Variants in PRPSAP1 observed in about 807,000 individuals in gnomAD.
PRPSAP1 encodes the protein phosphoribosyl pyrophosphate synthase-associated protein 1.
A neutral mutation model predicts 39.4 loss-of-function variants in PRPSAP1; 31 were observed. The ratio of observed to expected loss-of-function variants is 0.79; its 90% CI spans 0.59 to 1.06. The LOEUF (loss-of-function observed/expected upper bound fraction) is 1.06. PRPSAP1 is among the 50% of genes least tolerant of loss of function. The pLI is 0.00. For synonymous variants in PRPSAP1, 212 were observed against 192.6 expected (o/e 1.10, Z -0.83); for missense variants, 430 against 511.6 (o/e 0.84, Z 1.54).
chr17:76,333,016 C>T lies in PRPSAP1; in HGVS notation c.291-581G>A, dbSNP rs532469255. 9.2e-5 allele frequency among the ~76,000 whole-genome samples: 14 copies of T among 152,084 alleles called. No individual in the cohort carries two copies. The South Asian group carries it at 1.5e-3, about 16-fold the overall frequency. The stretch of plus-strand genomic sequence containing the variant: ...ACGCCATTCTCCTGCCTCAGCCTCC[C>T]GAGTAGCTGGGACTACAGGCGCCCG... On this transcript the variant is annotated intron_variant, in intron 3 of 9. Coordinates refer to ENST00000446526, the MANE Select transcript of PRPSAP1 (RefSeq NM_002766.3).
At chr17:76,354,159 C>A (rs961229452), upstream of PRPSAP1, 2 of 992,130 alleles carry the variant, frequency 2.0e-6, no homozygotes, top group Non-Finnish European at 2.4e-6. Context: ...TGGCCAGGAC[C>A]CAACATGTCC....
chr17:76,349,085 C>T (rs892891671), intron 1 of PRPSAP1, among the ~76,000 whole-genome samples: 1 of 151,964 alleles, frequency 6.6e-6, no homozygotes, highest in Non-Finnish European at 1.5e-5. Flanking sequence ...CCAAGGCGGG[C>T]GGATCACCTG....
intron 3 of PRPSAP1, among the ~76,000 whole-genome samples, chr17:76,339,466 C>T (rs1475159925): frequency 1.3e-5 from 2 of 151,792 alleles, no homozygotes. Context: ...TTATGGGCTG[C>T]ACACCCACAC....
intron 7 of PRPSAP1, among the ~76,000 whole-genome samples, chr17:76,324,353 C>G (rs2071229309): frequency 6.6e-6 from 1 of 151,962 alleles, no homozygotes; most frequent in South Asian, 2.1e-4. Flanking sequence ...AATCCCAGCA[C>G]TTTGGGAGGC....
Position 76,310,559 on chromosome 17 carries a change from T to TG in PRPSAP1, c.*982dup, listed in dbSNP as rs1315799771. ...TAGTTCACTGCAGCTTCAACCTCCT[T>TG]GGCTCAGGCAATCCTCCCACCTCAG... On this transcript the variant is annotated 3_prime_UTR_variant, in exon 10 of 10. Coordinates refer to ENST00000446526, the MANE Select transcript of PRPSAP1 (RefSeq NM_002766.3). The TG allele has an allele frequency of 1.3e-5, 2 of 151,858 alleles. No homozygotes were observed. The highest frequency in any genetic ancestry group is 4.8e-5 in the African/African-American group (2 of 41,288). The allele number at this position is 151,858 out of a possible 1,614,324, so 9.4% of individuals were successfully genotyped here.
In PRPSAP1 at chr17:76,345,237, T is replaced by TAAAA. The variant is rs59693380; in HGVS notation, c.224-504_224-501dup. On this transcript the variant is annotated intron_variant, in intron 2 of 9. Coordinates refer to ENST00000446526, the MANE Select transcript of PRPSAP1 (RefSeq NM_002766.3). The stretch of plus-strand genomic sequence containing the variant: ...GTGACAGAGCAAGATTCCGTCTCAT[T>TAAAA]AAAAAAAAAAAAAAAAAAGAGTTCT... Among the ~76,000 whole-genome samples the TAAAA allele has an allele frequency of 1.4e-4, 9 of 62,200 alleles. 1 individual carries two copies. Among genetic ancestry groups the TAAAA allele is most frequent in the East Asian group, 5.2e-4 (1 of 1,910 alleles). 40.8% of individuals were successfully genotyped at this position (62,200 alleles called of 152,430 possible). A position where few individuals can be genotyped will look rare whatever the true frequency, so the allele number is the denominator to read the frequency against.
At position 76,330,112 on chromosome 17, in the gene PRPSAP1, A is replaced by G. The variant is rs531265730; in HGVS notation, c.580-14T>C. ...GTAATTTGGAATCTAGATTTGAAGG[A>G]AAAATAGAAAATACTGAAAAGTTAT... On this transcript the variant is annotated splice_polypyrimidine_tract_variant and intron_variant, in intron 5 of 9. Coordinates refer to ENST00000446526, the MANE Select transcript of PRPSAP1 (RefSeq NM_002766.3). 1 of 1,604,962 alleles carries G rather than the reference A, an allele frequency of 6.2e-7. No individual in the cohort carries two copies. Among genetic ancestry groups the G allele is most frequent in the African/African-American group, 1.3e-5 (1 of 74,826 alleles).
chr17:76,317,220 C>G (rs7207291), intron 7 of PRPSAP1, among the ~76,000 whole-genome samples: 4,845 of 152,260 alleles, frequency 0.032, 277 homozygotes, highest in African/African-American at 0.11. Context: ...CGTGGTGGTA[C>G]ATGCCTGTAA....
intron 9 of PRPSAP1, among the ~76,000 whole-genome samples, chr17:76,312,558 C>CAA (rs1322133956): frequency 6.6e-6 from 1 of 152,060 alleles, no homozygotes; most frequent in Non-Finnish European, 1.5e-5. Flanking sequence ...TCATCTAGGG[C>CAA]AAAGGCTTTC....
upstream of PRPSAP1, chr17:76,354,050 C>G (rs922587364): frequency 3.6e-6 from 4 of 1,096,920 alleles, no homozygotes; most frequent in Non-Finnish European, 4.4e-6. Flanking sequence ...CAGGTTCGCC[C>G]CGCCCCTGCT....
chr17:76,328,198 A>C (rs1296935625), intron 7 of PRPSAP1, among the ~76,000 whole-genome samples: 1 of 152,060 alleles, frequency 6.6e-6, no homozygotes, highest in Admixed American at 6.6e-5. Flanking sequence ...AAAAAAAAAA[A>C]AAAAAGGCGG....
chr17:76,339,003 A>T (rs1487938159), intron 3 of PRPSAP1, among the ~76,000 whole-genome samples: 2 of 152,022 alleles, frequency 1.3e-5, no homozygotes, highest in African/African-American at 4.8e-5. Context: ...ACTGCACTCC[A>T]GCCTGGGCAA....
At chr17:76,315,700 CTTTTTTTTTT>C (rs71161279) in intron 7 of PRPSAP1, among the ~76,000 whole-genome samples, 14 of 72,672 alleles carry the variant, frequency 1.9e-4, no homozygotes, top group African/African-American at 5.1e-4. Flanking sequence ...GACCTATCCG[CTTTTTTTTTT>C]TTTTTTTTTT....
rs185519624 is a variant in PRPSAP1, at chr17:76,336,660, A to G, written c.291-4225T>C. Among the ~76,000 whole-genome samples, 256 of 124,158 alleles carry G rather than the reference A, an allele frequency of 2.1e-3. 4 individuals carry two copies. Among genetic ancestry groups the G allele is most frequent in the African/African-American group, 7.2e-3 (235 of 32,664 alleles). The allele number at this position is 124,158 out of a possible 152,430, so 81.5% of individuals were successfully genotyped here. On this transcript the variant is annotated intron_variant, in intron 3 of 9. Coordinates refer to ENST00000446526, the MANE Select transcript of PRPSAP1 (RefSeq NM_002766.3). Reference sequence around the variant, plus strand: ...GGCAGGAGAATAGCTTGAACCTGGGAGGTGGAGGTTGTGGTGAGCCGAGAT... The same window carrying G: ...GGCAGGAGAATAGCTTGAACCTGGGGGGTGGAGGTTGTGGTGAGCCGAGAT...
intron 3 of PRPSAP1, among the ~76,000 whole-genome samples, chr17:76,336,509 G>A (rs894897744): frequency 6.6e-6 from 1 of 151,176 alleles, no homozygotes; most frequent in Non-Finnish European, 1.5e-5. Context: ...GAGGCAGGTG[G>A]ATTACCTGGG....
At chr17:76,353,458 G>A in intron 1 of PRPSAP1, 76 bp downstream of exon 1, 2 of 1,351,634 alleles carry the variant, frequency 1.5e-6, no homozygotes, top group Non-Finnish European at 1.9e-6. Flanking sequence ...GCGGGTGGAG[G>A]GGAGCGGGTC....
At chr17:76,312,230 C>T (rs1298454829) in intron 9 of PRPSAP1, among the ~76,000 whole-genome samples, 2 of 152,154 alleles carry the variant, frequency 1.3e-5, no homozygotes, top group African/African-American at 4.8e-5. Context: ...CACCTGAGGT[C>T]AGGAGTTTGA....
At chr17:76,318,263 G>A (rs1206165361) in intron 7 of PRPSAP1, among the ~76,000 whole-genome samples, 1 of 152,026 alleles carries the variant, frequency 6.6e-6, no homozygotes, top group Non-Finnish European at 1.5e-5. Context: ...GCCTGGCCAA[G>A]ATGGTGAAAC....
rs1169099520 is a variant in PRPSAP1 at position 76,353,547 on chromosome 17, T to C, written c.157A>G (p.Lys53Glu). The C allele has an allele frequency of 5.9e-6, 9 of 1,537,930 alleles. No individual in the cohort carries two copies. In the South Asian group the frequency reaches 9.6e-5, roughly 16 times the overall value. Residue 53 changes from lysine (K) to glutamate (E), a missense_variant, in exon 1 of 10, where the codon AAG becomes GAG. By Grantham distance (56) the Lys-to-Glu change is moderately conservative (BLOSUM62 1). Around this residue, in one of 2 missense-constraint regions of PRPSAP1, gnomAD observed 152 missense variants for 135.2 expected, o/e 1.12. Transcript: ENST00000446526. ...CCGCCCCCTTACTCTGTGATGCGCT[T>C]GGCCAGCTCCGTGCAGGCGGCCGTG... ...NSTAACTELA[K>E]RITERLGAEL...
Sources: allele counts gnomAD v4.1 joint callset (sites outside exome capture counted in the v4.1 genomes callset), GRCh38; gene constraint gnomAD v4.1.1; regional missense constraint gnomAD v4.1.1; transcripts MANE v1.5; gene names NCBI Gene and HGNC (gene_info 2026-07-23, HGNC 2026-07-21).